Variants in DNAAF9 observed in about 807,000 individuals in gnomAD.
The protein encoded by DNAAF9 is dynein axonemal assembly factor 9.
Under a neutral mutation model 167.0 loss-of-function variants are expected in DNAAF9, and 90 were observed. That is an observed-to-expected ratio of 0.54 (90% confidence interval 0.45 to 0.64). The LOEUF (loss-of-function observed/expected upper bound fraction) is 0.64. Among genes scored for constraint, DNAAF9 ranks in the 30% least tolerant of loss-of-function variants. DNAAF9 has a pLI of 0.00. For synonymous variants in DNAAF9, 491 were observed against 508.8 expected (o/e 0.96, Z 0.47); for missense variants, 1,315 against 1,442.2 (o/e 0.91, Z 1.43).
chr20:3,324,989 G>A (rs756910074), intron 13 of DNAAF9, 21 bp from the exon 14 acceptor site: 10 of 1,414,754 alleles, frequency 7.1e-6, no homozygotes, highest in Middle Eastern at 1.8e-4. Flanking sequence ...ATAAGACAGC[G>A]ACAATTAGCT....
intron 26 of DNAAF9, among the ~76,000 whole-genome samples, chr20:3,288,364 C>T (rs949665691): frequency 6.6e-6 from 1 of 152,190 alleles, no homozygotes; most frequent in African/African-American, 2.4e-5. Context: ...GCAGGAGAAT[C>T]GCTTGACCCC....
At chr20:3,308,076 T>C (rs1172740764) in intron 20 of DNAAF9, among the ~76,000 whole-genome samples, 1 of 151,678 alleles carries the variant, frequency 6.6e-6, no homozygotes, top group African/African-American at 2.4e-5. Flanking sequence ...TGAAACCCCC[T>C]GGATGTCCTT....
At chr20:3,261,349 T>TTTAA (rs887452213) in intron 31 of DNAAF9, among the ~76,000 whole-genome samples, 13 of 150,638 alleles carry the variant, frequency 8.6e-5, no homozygotes, top group Admixed American at 3.3e-4. Context: ...TTTCCTTTAT[T>TTTAA]TTAATTAATT....
chr20:3,351,347 A>G (rs1353219174), intron 7 of DNAAF9, among the ~76,000 whole-genome samples: 1 of 152,098 alleles, frequency 6.6e-6, no homozygotes, highest in Non-Finnish European at 1.5e-5. Context: ...AGCCAGCCAT[A>G]GTGGCATGCA....
intron 1 of DNAAF9, 119 bp from the exon 2 acceptor site, chr20:3,382,625 T>C: frequency 1.3e-6 from 1 of 752,690 alleles, no homozygotes; most frequent in Non-Finnish European, 2.3e-6. Flanking sequence ...GGGATGGAAA[T>C]TGATTCTTGT....
At chr20:3,373,525 A>G (rs75485087) in intron 6 of DNAAF9, among the ~76,000 whole-genome samples, 4 of 152,236 alleles carry the variant, frequency 2.6e-5, no homozygotes, top group Admixed American at 6.5e-5. Flanking sequence ...TGCTCTTACC[A>G]AAAAAGCTAA....
rs1419870326 is a variant in DNAAF9 at position 3,296,948 on chromosome 20, A to G, written c.1931T>C (p.Val644Ala). Residue 644 changes from valine to alanine, a missense_variant and splice_region_variant, in exon 23 of 37, where the codon GTC becomes GCC. Val to Ala is a moderately conservative substitution (Grantham distance 64). This residue lies in a region of DNAAF9 where 981 missense variants were observed against 1,012.5 expected (regional missense o/e 0.97). Transcript: ENST00000252032. ...ATCCTGCTGTTTCCAGAGGGAGAAG[A>G]CCTAAACAAAACAGAATTTGAGCAA... ...SKIYQAFYSE[V>A]FSLWKQQDNS... is the part of the protein sequence containing the mutation. The G allele has an allele frequency of 1.3e-6, 2 of 1,588,282 alleles. No individual in the cohort carries two copies. Among genetic ancestry groups the G allele is most frequent in the South Asian group, 2.2e-5 (2 of 90,456 alleles).
Position 3,350,156 on chromosome 20 carries a change from GACACAC to G in DNAAF9, c.691-1539_691-1534del, listed in dbSNP as rs35251429. 9.8e-4 allele frequency among the ~76,000 whole-genome samples: 88 copies of G among 89,954 alleles called. No individual in the cohort carries two copies. The Middle Eastern group carries it at 0.029, about 29-fold the overall frequency. The allele number at this position is 89,954 out of a possible 152,430, so 59.0% of individuals were successfully genotyped here. Reference sequence around the variant, plus strand: ...AGACACACAGACACACAGACACACAGACACACACACACACACACACACACACACACA... The same window carrying G: ...AGACACACAGACACACAGACACACAGACACACACACACACACACACACACA... On this transcript the variant is annotated intron_variant, in intron 7 of 36. Coordinates refer to ENST00000252032, the MANE Select transcript of DNAAF9 (RefSeq NM_001009984.3).
At chr20:3,362,217 AC>A in intron 6 of DNAAF9, 1 of 1,430,864 alleles carries the variant, frequency 7.0e-7, no homozygotes. Flanking sequence ...AATCTTCTAG[AC>A]CCCAGCTAAC....
intron 33 of DNAAF9, among the ~76,000 whole-genome samples, chr20:3,257,832 G>C (rs1374403163): frequency 6.6e-6 from 1 of 152,124 alleles, no homozygotes; most frequent in Non-Finnish European, 1.5e-5. Flanking sequence ...ACCCTCCCAA[G>C]TAGCTGGGAT....
chr20:3,330,598 C>A (rs1455436312), intron 12 of DNAAF9, 48 bp downstream of exon 12: 1 of 1,155,610 alleles, frequency 8.7e-7, no homozygotes, highest in Non-Finnish European at 1.3e-6. Flanking sequence ...ACAGTCACAA[C>A]TGAGTAACTC....
At chr20:3,381,659 C>T (rs2083656149) in intron 2 of DNAAF9, among the ~76,000 whole-genome samples, 161 bp from the exon 3 acceptor site, 1 of 152,142 alleles carries the variant, frequency 6.6e-6, no homozygotes. Flanking sequence ...GTGAAAGAAA[C>T]AGGTCTCAGC....
In DNAAF9 at chr20:3,374,257, A is replaced by AC. The variant is rs2083547334; in HGVS notation, c.506-104dup. ...GACAGGTATCATTTCTCACGTGGTCACCAGGGCCTCACCTAGCAAAATAAA... is the reference window on the plus strand; with the variant it reads ...GACAGGTATCATTTCTCACGTGGTCACCCAGGGCCTCACCTAGCAAAATAAA... On this transcript the variant is annotated intron_variant, in intron 5 of 36. Transcript: ENST00000252032. The AC allele has an allele frequency of 9.5e-6, 6 of 630,724 alleles. No individual in the cohort carries two copies. The South Asian group carries it at 1.3e-4, about 14-fold the overall frequency. The allele number at this position is 630,724 out of a possible 1,614,324, so 39.1% of individuals were successfully genotyped here.
intron 8 of DNAAF9, 127 bp from the exon 9 acceptor site, chr20:3,343,858 T>TGC (rs2070136373): frequency 3.3e-6 from 2 of 614,138 alleles, no homozygotes; most frequent in Non-Finnish European, 5.7e-6. Flanking sequence ...TGTGTGTGTG[T>TGC]GCGTGTGTGC....
At chr20:3,257,193 C>CA (rs910801069) in intron 33 of DNAAF9, among the ~76,000 whole-genome samples, 3 of 151,730 alleles carry the variant, frequency 2.0e-5, no homozygotes, top group African/African-American at 7.3e-5. Context: ...TAAATTTGAA[C>CA]AAAAAAAGAG....
intron 4 of DNAAF9, among the ~76,000 whole-genome samples, chr20:3,375,388 T>C (rs1181869624): frequency 6.6e-6 from 1 of 152,146 alleles, no homozygotes; most frequent in Non-Finnish European, 1.5e-5. Flanking sequence ...CCCAAAAAAT[T>C]CCGCCAAATA....
chr20:3,393,849 T>A (rs375558819), intron 1 of DNAAF9, among the ~76,000 whole-genome samples: 1 of 152,232 alleles, frequency 6.6e-6, no homozygotes, highest in African/African-American at 2.4e-5. Context: ...GTGTTACCAC[T>A]CTTCAACTAA....
intron 3 of DNAAF9, among the ~76,000 whole-genome samples, chr20:3,378,918 T>C (rs1249041558): frequency 6.7e-6 from 1 of 149,130 alleles, no homozygotes; most frequent in Admixed American, 6.7e-5. Flanking sequence ...TGTAGCAGCC[T>C]CATCACTATT....
At chr20:3,274,831 C>A (rs1261582033) in intron 29 of DNAAF9, among the ~76,000 whole-genome samples, 2 of 152,186 alleles carry the variant, frequency 1.3e-5, no homozygotes, top group African/African-American at 4.8e-5. Flanking sequence ...CCATATCAAC[C>A]ACTGGGAAAC....
Sources: allele counts gnomAD v4.1 joint callset (sites outside exome capture counted in the v4.1 genomes callset), GRCh38; gene constraint gnomAD v4.1.1; regional missense constraint gnomAD v4.1.1; transcripts MANE v1.5; gene names NCBI Gene and HGNC (gene_info 2026-07-23, HGNC 2026-07-21).